LRP1B: variants seen among roughly 807,000 people sequenced by gnomAD.
LRP1B encodes the protein LDL receptor related protein 1B, also known as low-density lipoprotein receptor-related protein 1B.
In LRP1B, 217 loss-of-function variants were observed where a neutral mutation model predicts 556.6. The ratio of observed to expected loss-of-function variants is 0.39; its 90% confidence interval spans 0.35 to 0.44. The LOEUF is 0.44. Ranked by LOEUF, LRP1B falls within the 20% of genes least tolerant of loss-of-function variation. The probability of loss-of-function intolerance (pLI) is 1.00; values close to 1 mark genes in which losing one functional copy is unlikely to be tolerated. For synonymous variants in LRP1B, 2,047 were observed against 1,865.8 expected (o/e 1.10, Z -2.50); for missense variants, 5,053 against 5,620.8 (o/e 0.90, Z 3.23).
chr2:141,018,977 C>T (rs1009418617), intron 12 of LRP1B, among the ~76,000 whole-genome samples: 1 of 151,780 alleles, frequency 6.6e-6, no homozygotes, highest in Non-Finnish European at 1.5e-5. Flanking sequence ...TGTATGTGTG[C>T]AGTAAAGTGT....
chr2:140,628,266 C>T (rs1167124740), intron 41 of LRP1B, among the ~76,000 whole-genome samples: 4 of 152,134 alleles, frequency 2.6e-5, no homozygotes, highest in Non-Finnish European at 1.5e-5. Flanking sequence ...CGCAGTGGCT[C>T]ACGACTGTAA....
chr2:141,819,388 C>A (rs1396195785), intron 1 of LRP1B, among the ~76,000 whole-genome samples: 1 of 152,142 alleles, frequency 6.6e-6, no homozygotes, highest in Non-Finnish European at 1.5e-5. Context: ...GTGTGATGAG[C>A]TTCTAGAGGG....
intron 41 of LRP1B, among the ~76,000 whole-genome samples, chr2:140,628,356 C>T (rs1351413081): frequency 1.2e-4 from 18 of 151,938 alleles, no homozygotes; most frequent in Admixed American, 6.6e-4. Context: ...CGTGAAACCC[C>T]GTCTCCAATA....
intron 31 of LRP1B, among the ~76,000 whole-genome samples, chr2:140,832,267 G>T (rs1691743453): frequency 6.6e-6 from 1 of 151,986 alleles, no homozygotes; most frequent in Admixed American, 6.6e-5. Flanking sequence ...GAGTATGTGT[G>T]GATTTTGGTA....
At chr2:140,327,874 C>A (rs1680574038) in intron 79 of LRP1B, among the ~76,000 whole-genome samples, 2 of 151,882 alleles carry the variant, frequency 1.3e-5, no homozygotes, top group African/African-American at 4.8e-5. Context: ...GGAATTACAT[C>A]TTGATAAAAA....
At chr2:141,698,284 T>C (rs2105457279) in intron 2 of LRP1B, among the ~76,000 whole-genome samples, 1 of 151,904 alleles carries the variant, frequency 6.6e-6, no homozygotes, top group African/African-American at 2.4e-5. Context: ...CTCGCACATC[T>C]TCCTACCGAG....
At chr2:142,052,680 T>C (rs538124482) in intron 1 of LRP1B, among the ~76,000 whole-genome samples, 1 of 152,184 alleles carries the variant, frequency 6.6e-6, no homozygotes, top group African/African-American at 2.4e-5. Context: ...TCCCTACCAC[T>C]CTCATCTCTG....
intron 49 of LRP1B, among the ~76,000 whole-genome samples, chr2:140,523,889 T>C (rs1397013560): frequency 6.6e-6 from 1 of 151,818 alleles, no homozygotes; most frequent in Non-Finnish European, 1.5e-5. Flanking sequence ...TCCTAAGAAA[T>C]GCTTTTCTGG....
intron 21 of LRP1B, among the ~76,000 whole-genome samples, chr2:140,915,269 G>A (rs1694540941): frequency 6.6e-6 from 1 of 152,004 alleles, no homozygotes; most frequent in South Asian, 2.1e-4. Context: ...TATAGAGAAA[G>A]AAAAATTAGT....
chr2:140,351,142 G>T, intron 76 of LRP1B, 104 bp from the exon 77 acceptor site: 1 of 777,808 alleles, frequency 1.3e-6, no homozygotes, highest in Non-Finnish European at 1.9e-6. Context: ...TCTTAATACA[G>T]TTTTTCCTCA....
At chr2:141,108,132 G>C (rs1700653622) in intron 7 of LRP1B, among the ~76,000 whole-genome samples, 1 of 152,000 alleles carries the variant, frequency 6.6e-6, no homozygotes, top group African/African-American at 2.4e-5. Flanking sequence ...ATTGTAATCT[G>C]CATTCCTCCC....
At chr2:140,286,159 C>T (rs557589904) in intron 84 of LRP1B, among the ~76,000 whole-genome samples, 101 of 151,888 alleles carry the variant, frequency 6.6e-4, no homozygotes, top group African/African-American at 2.4e-3. Context: ...AATAAATGAG[C>T]GCTTCCCCTT....
chr2:140,561,558 G>A (rs1307663682), intron 43 of LRP1B, among the ~76,000 whole-genome samples: 2 of 152,122 alleles, frequency 1.3e-5, no homozygotes, highest in African/African-American at 4.8e-5. Context: ...AGTGTCGGCT[G>A]TGACTCTTAG....
chr2:140,303,229 ACT>A (rs144399687), intron 83 of LRP1B, among the ~76,000 whole-genome samples: 5,576 of 151,238 alleles, frequency 0.037, 114 homozygotes, highest in South Asian at 0.083. Context: ...ATAAAAATAA[ACT>A]CTTTTTTATT....
At chr2:141,740,758 A>G (rs1188747988) in intron 2 of LRP1B, among the ~76,000 whole-genome samples, 2 of 152,216 alleles carry the variant, frequency 1.3e-5, no homozygotes, top group Non-Finnish European at 2.9e-5. Flanking sequence ...TTCTGTTAAC[A>G]TAGATACCAT....
At chr2:141,626,871 T>A (rs1176424988) in intron 2 of LRP1B, among the ~76,000 whole-genome samples, 1 of 152,230 alleles carries the variant, frequency 6.6e-6, no homozygotes, top group African/African-American at 2.4e-5. Flanking sequence ...ATATAGCCAC[T>A]TTGGAAGACA....
intron 3 of LRP1B, among the ~76,000 whole-genome samples, chr2:141,384,108 C>A (rs1327234332): frequency 6.6e-6 from 1 of 152,050 alleles, no homozygotes; most frequent in Non-Finnish European, 1.5e-5. Context: ...TAAATATATA[C>A]ATTTTTTATT....
chr2:141,847,830 A>G (rs921134324), intron 1 of LRP1B, among the ~76,000 whole-genome samples: 1 of 151,590 alleles, frequency 6.6e-6, no homozygotes. Flanking sequence ...AAATGATGCA[A>G]ATGTTTTTGT....
At chr2:141,448,078 C>A (rs1050910161) in intron 3 of LRP1B, among the ~76,000 whole-genome samples, 1 of 152,240 alleles carries the variant, frequency 6.6e-6, no homozygotes, top group Non-Finnish European at 1.5e-5. Context: ...AAGATCCTGA[C>A]TGGGGCTGCT....
Sources: gnomAD v4.1 joint callset for allele counts (sites outside exome capture counted in the v4.1 genomes callset) on GRCh38, gnomAD v4.1.1 for gene constraint, MANE v1.5 for transcripts, NCBI Gene and HGNC (gene_info 2026-07-23, HGNC 2026-07-21) for gene names.